The following DGKB variants were observed in gnomAD, a reference collection of about 807,000 sequenced individuals.
DGKB encodes the protein diacylglycerol kinase beta, also known as 90 kDa diacylglycerol kinase.
DGKB carries 67 observed loss-of-function variants against 114.3 expected under a neutral mutation model. That is an observed-to-expected ratio of 0.59 (90% confidence interval 0.48 to 0.72). The LOEUF is 0.72. Among genes scored for constraint, DGKB ranks in the 30% least tolerant of loss-of-function variants. DGKB has a pLI of 0.00. For synonymous variants in DGKB, 398 were observed against 323.1 expected (o/e 1.23, Z -2.49); for missense variants, 907 against 975.2 (o/e 0.93, Z 0.93).
Position 14,959,473 on chromosome 7 carries a change from G to C in DGKB, c.-188+15223C>G, listed in dbSNP as rs190587348. 9.2e-5 allele frequency among the ~76,000 whole-genome samples: 14 copies of C among 151,710 alleles called. No homozygotes were observed. The East Asian group carries it at 2.7e-3, about 30-fold the overall frequency. ...TCCTTCAATCTGACATCATAATCCA[G>C]CTTCTTGAATTTAATATTTTTAAAT... On this transcript the variant is annotated intron_variant, in intron 1 of 4. Coordinates refer to the DGKB transcript ENST00000437998.
rs145952018 is a variant in DGKB at position 14,205,511 on chromosome 7, T to C, written c.2123-27360A>G. Among the ~76,000 whole-genome samples the C allele has an allele frequency of 9.3e-4, 142 of 152,080 alleles. 1 individual carries two copies. Among genetic ancestry groups the C allele is most frequent in the African/African-American group, 3.3e-3 (138 of 41,522 alleles). ...TCACAGAATTGTTTGGCTCATAACA[T>C]ATTATGTTCTAAATTTTTCAACATT... On this transcript the variant is annotated intron_variant, in intron 23 of 25. Coordinates refer to ENST00000402815, the MANE Select transcript of DGKB (RefSeq NM_001350709.2).
In DGKB at chr7:14,183,034, A is replaced by G. The variant is rs537506386; in HGVS notation, c.2123-4883T>C. ...ACTCAGCAGGAGCATTTTGAAATCA[A>G]CATAAATTGCTAATTATAATGACAC... On this transcript the variant is annotated intron_variant, in intron 23 of 25. Transcript: ENST00000402815. 3.9e-5 allele frequency among the ~76,000 whole-genome samples: 6 copies of G among 152,294 alleles called. No homozygotes were observed. In the East Asian group the frequency reaches 1.2e-3, roughly 29 times the overall value.
At chr7:14,170,169 GAAAGAAAGAAAGAAAGAAAGAAAGAAA>G (rs1780744790) in intron 25 of DGKB, among the ~76,000 whole-genome samples, 1 of 135,868 alleles carries the variant, frequency 7.4e-6, no homozygotes, top group African/African-American at 3.1e-5. Flanking sequence ...AAGAAAGAAA[GAAAGAAAGAAAGAAAGAAAGAAAGAAA>G]GAAAGAAATA....
chr7:14,835,703 C>T (rs1360428696), intron 2 of DGKB, among the ~76,000 whole-genome samples: 2 of 152,114 alleles, frequency 1.3e-5, no homozygotes, highest in Non-Finnish European at 2.9e-5. Flanking sequence ...TCTCTCTCTC[C>T]CCTTTCAGGA....
chr7:14,726,193 G>A lies in DGKB; in HGVS notation c.323-7508C>T, dbSNP rs987276391. Among the ~76,000 whole-genome samples the A allele has an allele frequency of 1.1e-4, 16 of 152,136 alleles. No homozygotes were observed. The South Asian group carries it at 2.7e-3, about 26-fold the overall frequency. ...CTCACTCTGTCGCCCAGACTGGAGTGCAGTGGCGCAATCTGGGCTCATGGC... is the reference window on the plus strand; with the variant it reads ...CTCACTCTGTCGCCCAGACTGGAGTACAGTGGCGCAATCTGGGCTCATGGC... On this transcript the variant is annotated intron_variant, in intron 5 of 25. Transcript: ENST00000402815.
chr7:14,601,961 A>ACCTCCTCTTCCT, intron 17 of DGKB, among the ~76,000 whole-genome samples: 1 of 145,028 alleles, frequency 6.9e-6, no homozygotes, highest in African/African-American at 2.6e-5. Context: ...CTCCTCCTCT[A>ACCTCCTCTTCCT]CCTCCTCTTC....
intron 21 of DGKB, among the ~76,000 whole-genome samples, chr7:14,447,356 T>C (rs940483496): frequency 6.6e-5 from 10 of 152,186 alleles, no homozygotes; most frequent in East Asian, 5.8e-4. Context: ...TTCTTGGTCA[T>C]AGGACAATAA....
At chr7:14,173,039 T>C (rs1781238758) in intron 25 of DGKB, among the ~76,000 whole-genome samples, 1 of 152,216 alleles carries the variant, frequency 6.6e-6, no homozygotes, top group Non-Finnish European at 1.5e-5. Context: ...CTAGAATTAA[T>C]ATTGTCTTTA....
intron 1 of DGKB, among the ~76,000 whole-genome samples, chr7:14,902,080 G>C (rs953516999): frequency 1.3e-5 from 2 of 152,100 alleles, no homozygotes; most frequent in African/African-American, 2.4e-5. Context: ...CTGTTGCCTA[G>C]CAGTTATCTA....
intron 23 of DGKB, among the ~76,000 whole-genome samples, chr7:14,186,340 CATAATCAAAAAA>C (rs1475451813): frequency 2.6e-5 from 4 of 152,000 alleles, no homozygotes; most frequent in African/African-American, 9.7e-5. Flanking sequence ...CAAGAATGAC[CATAATCAAAAAA>C]ATAATCAAAA....
chr7:14,923,338 G>A (rs1784599941), intron 1 of DGKB, among the ~76,000 whole-genome samples: 1 of 151,972 alleles, frequency 6.6e-6, no homozygotes, highest in African/African-American at 2.4e-5. Flanking sequence ...TCCTTTTGGA[G>A]CTCCAATCAG....
intron 23 of DGKB, among the ~76,000 whole-genome samples, chr7:14,298,174 T>C (rs1452093527): frequency 2.0e-5 from 3 of 152,134 alleles, no homozygotes; most frequent in Non-Finnish European, 2.9e-5. Flanking sequence ...CAAGCTACCA[T>C]TGACTTTCTT....
At chr7:14,741,459 C>A (rs1304666538) in intron 4 of DGKB, among the ~76,000 whole-genome samples, 1 of 152,158 alleles carries the variant, frequency 6.6e-6, no homozygotes, top group East Asian at 1.9e-4. Context: ...GGACCTAGGA[C>A]CCCATAGCCC....
At chr7:14,846,140 C>T (rs79552260) in intron 1 of DGKB, among the ~76,000 whole-genome samples, 1 of 152,324 alleles carries the variant, frequency 6.6e-6, no homozygotes, top group African/African-American at 2.4e-5. Flanking sequence ...TGATCTACCC[C>T]TATTTGCATT....
chr7:14,454,100 T>C (rs1041263890), intron 21 of DGKB, among the ~76,000 whole-genome samples: 4 of 152,266 alleles, frequency 2.6e-5, no homozygotes, highest in South Asian at 2.1e-4. Context: ...GTCAGCCTAA[T>C]TGGAATATCC....
intron 23 of DGKB, among the ~76,000 whole-genome samples, chr7:14,253,714 T>G (rs1339017848): frequency 6.6e-6 from 1 of 152,180 alleles, no homozygotes; most frequent in Non-Finnish European, 1.5e-5. Context: ...TAAAATGACC[T>G]CTTTACTTTT....
chr7:14,614,548 A>G (rs1237633995), intron 15 of DGKB, among the ~76,000 whole-genome samples: 2 of 152,068 alleles, frequency 1.3e-5, no homozygotes, highest in African/African-American at 4.8e-5. Context: ...GTTTAATGAG[A>G]CAATTAAAAA....
intron 22 of DGKB, among the ~76,000 whole-genome samples, chr7:14,343,804 T>G (rs1318685771): frequency 1.3e-5 from 2 of 150,408 alleles, no homozygotes; most frequent in Non-Finnish European, 3.0e-5. Flanking sequence ...TAAAGGGGTA[T>G]GTATATGTTT....
intron 23 of DGKB, among the ~76,000 whole-genome samples, chr7:14,295,592 TG>T (rs1281087910): frequency 4.4e-4 from 67 of 152,264 alleles, no homozygotes; most frequent in African/African-American, 1.6e-3. Context: ...ATAGGTTTTC[TG>T]TGATAGTTTA....
Sources: allele counts gnomAD v4.1 joint callset (sites outside exome capture counted in the v4.1 genomes callset), GRCh38; gene constraint gnomAD v4.1.1; transcripts MANE v1.5; gene names NCBI Gene and HGNC (gene_info 2026-07-23, HGNC 2026-07-21).